Variants in SYT16 observed in about 807,000 individuals in gnomAD.
SYT16 encodes synaptotagmin-16.
Under a neutral mutation model 61.4 loss-of-function variants are expected in SYT16, and 42 were observed. That is an observed-to-expected ratio of 0.68 (90% CI 0.53 to 0.89). SYT16 has a LOEUF of 0.89. Among genes scored for constraint, SYT16 ranks in the 40% least tolerant of loss-of-function variants. SYT16 has a pLI of 0.00. For missense variants in SYT16, 804 were observed against 807.3 expected (o/e 1.00, Z 0.05); for synonymous variants, 314 against 302.3 (o/e 1.04, Z -0.40).
chr14:61,979,184 T>C (rs1371592068), intron 2 of SYT16, among the ~76,000 whole-genome samples: 3 of 152,166 alleles, frequency 2.0e-5, no homozygotes, highest in South Asian at 2.1e-4. Context: ...TAGCCTGATA[T>C]AGGGATGTAG....
intron 1 of SYT16, among the ~76,000 whole-genome samples, chr14:61,899,431 A>G (rs1281973841): frequency 1.3e-5 from 2 of 152,238 alleles, no homozygotes; most frequent in African/African-American, 2.4e-5. Flanking sequence ...CATGGGATAC[A>G]TAATGAATAA....
At chr14:62,031,383 T>A (rs1308745660) in intron 3 of SYT16, among the ~76,000 whole-genome samples, 1 of 152,148 alleles carries the variant, frequency 6.6e-6, no homozygotes, top group African/African-American at 2.4e-5. Context: ...GAAATGGAGA[T>A]GATGTTCACA....
intron 3 of SYT16, among the ~76,000 whole-genome samples, chr14:62,031,109 G>A (rs979051661): frequency 6.6e-6 from 1 of 152,198 alleles, no homozygotes; most frequent in East Asian, 1.9e-4. Flanking sequence ...CCTGCTTTGT[G>A]TAATATTTTG....
At chr14:61,973,187 G>T (rs2051636772) in intron 2 of SYT16, among the ~76,000 whole-genome samples, 2 of 152,132 alleles carry the variant, frequency 1.3e-5, no homozygotes, top group Admixed American at 1.3e-4. Context: ...TATGCAAAAT[G>T]ATTTGCTTGA....
chr14:61,993,612 A>C (rs1480123693), intron 2 of SYT16, among the ~76,000 whole-genome samples: 1 of 152,082 alleles, frequency 6.6e-6, no homozygotes, highest in African/African-American at 2.4e-5. Context: ...TCTGTGACGC[A>C]CTGAAGCTTA....
chr14:62,071,371 G>A (rs1489321405), intron 4 of SYT16, among the ~76,000 whole-genome samples: 1 of 152,198 alleles, frequency 6.6e-6, no homozygotes, highest in Non-Finnish European at 1.5e-5. Context: ...TGTTCTGAGA[G>A]TTCTGACAAC....
At chr14:61,880,065 C>T (rs565779123) in intron 1 of SYT16, among the ~76,000 whole-genome samples, 1 of 152,320 alleles carries the variant, frequency 6.6e-6, no homozygotes, top group African/African-American at 2.4e-5. Context: ...CATTTCCCAC[C>T]TCTGTCTGCA....
chr14:61,832,309 C>T (rs2045964902), intron 1 of SYT16: 3 of 590,330 alleles, frequency 5.1e-6, no homozygotes, highest in South Asian at 2.8e-5. Flanking sequence ...TGTGCTCGTA[C>T]AGACACCAAG....
chr14:62,052,966 A>T (rs140845173), intron 3 of SYT16, among the ~76,000 whole-genome samples: 721 of 152,328 alleles, frequency 4.7e-3, no homozygotes, highest in Non-Finnish European at 7.3e-3. Flanking sequence ...GGTTCTGAGC[A>T]GTGGGGTGCT....
intron 1 of SYT16, among the ~76,000 whole-genome samples, chr14:61,900,309 C>T (rs111891759): frequency 0.015 from 2,262 of 152,250 alleles, 19 homozygotes; most frequent in Middle Eastern, 0.031. Context: ...AGGTGCCTTC[C>T]ACCACGCCCA....
At chr14:62,010,415 T>C (rs1294781965) in intron 3 of SYT16, among the ~76,000 whole-genome samples, 1 of 152,070 alleles carries the variant, frequency 6.6e-6, no homozygotes, top group East Asian at 1.9e-4. Context: ...CTGAATGAAG[T>C]GAAGATGAGA....
intron 3 of SYT16, among the ~76,000 whole-genome samples, chr14:62,035,250 A>C (rs75597603): frequency 6.6e-6 from 1 of 152,194 alleles, no homozygotes; most frequent in African/African-American, 2.4e-5. Context: ...AGAACTCAGC[A>C]TGCAGCAGTT....
At chr14:61,921,822 C>T (rs1431784181) in intron 1 of SYT16, among the ~76,000 whole-genome samples, 1 of 152,130 alleles carries the variant, frequency 6.6e-6, no homozygotes, top group Non-Finnish European at 1.5e-5. Context: ...AAAGCACATG[C>T]CCTATTGGAA....
intron 1 of SYT16, among the ~76,000 whole-genome samples, chr14:61,959,790 C>T (rs1345824153): frequency 6.6e-6 from 1 of 151,968 alleles, no homozygotes; most frequent in Non-Finnish European, 1.5e-5. Flanking sequence ...CCCTTGAGTA[C>T]TTCTTGTAAG....
chr14:61,842,612 C>G (rs1303125048), intron 1 of SYT16, among the ~76,000 whole-genome samples: 9 of 152,138 alleles, frequency 5.9e-5, no homozygotes, highest in Non-Finnish European at 4.4e-5. Flanking sequence ...ATGATGAGTT[C>G]ATGTCCTTTG....
intron 3 of SYT16, among the ~76,000 whole-genome samples, chr14:62,007,905 T>C (rs2053287480): frequency 6.6e-6 from 1 of 151,732 alleles, no homozygotes. Context: ...TGGAATCACT[T>C]GATAATTTTT....
At chr14:62,052,403 C>T (rs914373929) in intron 3 of SYT16, among the ~76,000 whole-genome samples, 13 of 152,078 alleles carry the variant, frequency 8.5e-5, no homozygotes, top group African/African-American at 1.4e-4. Flanking sequence ...TTATTTTTAA[C>T]GGTGTTGAAA....
intron 1 of SYT16, among the ~76,000 whole-genome samples, chr14:61,948,389 A>C (rs1221162549): frequency 6.6e-6 from 1 of 151,976 alleles, no homozygotes; most frequent in African/African-American, 2.4e-5. Context: ...GGAGGTGAAA[A>C]CTTGGGCTAG....
chr14:61,903,664 T>G (rs1016203318), intron 1 of SYT16, among the ~76,000 whole-genome samples: 4 of 152,182 alleles, frequency 2.6e-5, no homozygotes, highest in African/African-American at 9.7e-5. Context: ...TAAATATTCA[T>G]TTTTTGACTG....
Sources: gnomAD v4.1 joint callset for allele counts (sites outside exome capture counted in the v4.1 genomes callset) on GRCh38, gnomAD v4.1.1 for gene constraint, MANE v1.5 for transcripts, NCBI Gene and HGNC (gene_info 2026-07-23, HGNC 2026-07-21) for gene names.